DCAF13: variants seen among roughly 807,000 people sequenced by gnomAD.
DCAF13 encodes the protein DDB1- and CUL4-associated factor 13.
A neutral mutation model predicts 59.0 loss-of-function variants in DCAF13; 38 were observed. That is an observed-to-expected ratio of 0.64 (90% CI 0.50 to 0.84). DCAF13 has a LOEUF of 0.84. Ranked by LOEUF, DCAF13 falls within the 40% of genes least tolerant of loss-of-function variation. The pLI is 0.00. For missense variants in DCAF13, 469 were observed against 558.4 expected, an observed-to-expected ratio of 0.84 and a Z score of 1.61; for synonymous variants, 173 against 175.0, an observed-to-expected ratio of 0.99 and a Z score of 0.09.
chr8:103,416,871 G>A (rs767769166), intron 1 of DCAF13, among the ~76,000 whole-genome samples: 1 of 152,044 alleles, frequency 6.6e-6, no homozygotes, highest in African/African-American at 2.4e-5. Flanking sequence ...ATCTTGTTGG[G>A]GTTTTTAAAC....
At chr8:103,420,577 A>G (rs1816709477) in intron 2 of DCAF13, 114 bp downstream of exon 2, 1 of 1,134,866 alleles carries the variant, frequency 8.8e-7, no homozygotes, top group East Asian at 2.6e-5. Flanking sequence ...TTTACTTCTC[A>G]AGACTAAATT....
chr8:103,429,727 A>G (rs1411443454), intron 5 of DCAF13: 1 of 152,240 alleles, frequency 6.6e-6, no homozygotes, highest in Non-Finnish European at 1.5e-5. Flanking sequence ...CAATAAATTT[A>G]TATAGCTAGG....
At position 103,418,363 on chromosome 8, in the gene DCAF13, T is replaced by C. The variant is rs984475322; in HGVS notation, c.71-1901T>C. 2.2e-4 allele frequency among the ~76,000 whole-genome samples: 34 copies of C among 151,254 alleles called. 1 individual carries two copies. The highest frequency in any genetic ancestry group is 3.7e-4 in the Non-Finnish European group (25 of 67,796). On this transcript the variant is annotated intron_variant, in intron 1 of 10. Transcript: ENST00000612750. ...AGGAGACCCCCGTCTCTACAAAAAATTTAAAGATTAATGGGGCATGGTGGT... is the reference window on the plus strand; with the variant it reads ...AGGAGACCCCCGTCTCTACAAAAAACTTAAAGATTAATGGGGCATGGTGGT...
intron 8 of DCAF13, among the ~76,000 whole-genome samples, chr8:103,436,932 T>C (rs1816942629): frequency 6.6e-6 from 1 of 152,216 alleles, no homozygotes; most frequent in Admixed American, 6.5e-5. Flanking sequence ...TTTAAGTCTT[T>C]TTCCACTGTA....
intron 8 of DCAF13, among the ~76,000 whole-genome samples, chr8:103,437,331 C>T (rs1379173153): frequency 6.6e-6 from 1 of 152,098 alleles, no homozygotes; most frequent in Non-Finnish European, 1.5e-5. Context: ...ATTTTTCCAA[C>T]ATGGTACATA....
At chr8:103,420,157 G>C in intron 1 of DCAF13, 107 bp from the exon 2 acceptor site, 1 of 1,003,588 alleles carries the variant, frequency 1.0e-6, no homozygotes, top group Admixed American at 2.2e-5. Flanking sequence ...GTTAGGCATA[G>C]AACAATGTCA....
At chr8:103,421,526 A>G (rs1816722814) in intron 3 of DCAF13, among the ~76,000 whole-genome samples, 1 of 152,224 alleles carries the variant, frequency 6.6e-6, no homozygotes, top group Non-Finnish European at 1.5e-5. Flanking sequence ...AACCATCACC[A>G]CCATCTGTCT....
chr8:103,420,596 A>C (rs1365795133), intron 2 of DCAF13, 133 bp downstream of exon 2: 1 of 888,848 alleles, frequency 1.1e-6, no homozygotes, highest in Non-Finnish European at 1.7e-6. Flanking sequence ...TTTCGTTAGG[A>C]ATACTGTTTA....
intron 1 of DCAF13, among the ~76,000 whole-genome samples, chr8:103,419,177 C>T (rs3133819): frequency 0.17 from 25,113 of 151,832 alleles, 2,231 homozygotes; most frequent in East Asian, 0.34. Flanking sequence ...AGCCACCACG[C>T]CCGGCCCTAA....
chr8:103,424,214 A>T (rs568910077), intron 3 of DCAF13, among the ~76,000 whole-genome samples: 15 of 152,070 alleles, frequency 9.9e-5, no homozygotes, highest in Non-Finnish European at 1.6e-4. Flanking sequence ...TTTTTAGTAG[A>T]GACAGGGTTT....
intron 1 of DCAF13, 50 bp from the exon 2 acceptor site, chr8:103,420,214 T>G: frequency 3.3e-6 from 5 of 1,533,808 alleles, no homozygotes; most frequent in Non-Finnish European, 4.5e-6. Flanking sequence ...TGAGGAAGAC[T>G]GCAGGAAATA....
chr8:103,425,719 T>C (rs1306472981), intron 3 of DCAF13, among the ~76,000 whole-genome samples: 1 of 152,232 alleles, frequency 6.6e-6, no homozygotes, highest in Non-Finnish European at 1.5e-5. Context: ...CTCAATTTTT[T>C]TGAATGACTA....
intron 5 of DCAF13, chr8:103,429,211 ACCTGGTCAGAC>A (rs1387705345): frequency 6.6e-6 from 1 of 152,134 alleles, no homozygotes; most frequent in African/African-American, 2.4e-5. Flanking sequence ...TAGAAATGGA[ACCTGGTCAGAC>A]CCTGAGGCGA....
chr8:103,440,829 G>A (rs1212113256), intron 9 of DCAF13: 1 of 152,154 alleles, frequency 6.6e-6, no homozygotes, highest in Non-Finnish European at 1.5e-5. Context: ...TTTTCTAAAT[G>A]TCCCATATTT....
At chr8:103,429,128 G>A (rs906046679) in intron 5 of DCAF13, 1 of 152,134 alleles carries the variant, frequency 6.6e-6, no homozygotes, top group Non-Finnish European at 1.5e-5. Flanking sequence ...TCATTGGGAC[G>A]TTTTACAGTG....
intron 8 of DCAF13, 131 bp downstream of exon 8, chr8:103,435,921 T>A (rs1563506265): frequency 1.1e-6 from 1 of 877,952 alleles, no homozygotes; most frequent in Non-Finnish European, 1.8e-6. Context: ...CAAAACTAGA[T>A]GGTATAACGT....
At position 103,441,466 on chromosome 8, in the gene DCAF13, A is replaced by G. The variant is rs776944880; in HGVS notation, c.1098A>G (p.Arg366=). Residue 366 remains arginine, a synonymous_variant, in exon 10 of 11, where the codon CGA becomes CGG. Transcript: ENST00000612750. The part of the protein sequence containing the change: ...ASEKLGVLTS[R]EKAAKDYNQK... ...ATGTGTATTTTCAGCTTACATCACG[A>G]GAAAAAGCAGCCAAGGATTATAACC... is the stretch of plus-strand genomic sequence containing the variant. 5.0e-6 allele frequency: 8 copies of G among 1,585,612 alleles called. No homozygotes were observed. The highest frequency in any genetic ancestry group is 6.8e-6 in the Non-Finnish European group (8 of 1,172,532).
chr8:103,418,614 A>G (rs532661259), intron 1 of DCAF13, among the ~76,000 whole-genome samples: 9 of 151,570 alleles, frequency 5.9e-5, no homozygotes, highest in African/African-American at 9.7e-5. Context: ...GATGATGAGT[A>G]GGACTTTGAG....
chr8:103,417,710 G>A (rs1180741784), intron 1 of DCAF13, among the ~76,000 whole-genome samples: 1 of 151,916 alleles, frequency 6.6e-6, no homozygotes, highest in Non-Finnish European at 1.5e-5. Context: ...TGTTGAGAAG[G>A]GATCTGCTCA....
Sources: allele counts gnomAD v4.1 joint callset (sites outside exome capture counted in the v4.1 genomes callset), GRCh38; gene constraint gnomAD v4.1.1; transcripts MANE v1.5; gene names NCBI Gene and HGNC (gene_info 2026-07-23, HGNC 2026-07-21).